IK: variants seen among roughly 807,000 people sequenced by gnomAD.
The protein encoded by IK is IK cytokine, also known as protein Red.
Under a neutral mutation model 90.9 loss-of-function variants are expected in IK, and 47 were observed. The ratio of observed to expected loss-of-function variants is 0.52; its 90% CI spans 0.41 to 0.66. The LOEUF (loss-of-function observed/expected upper bound fraction) is 0.66. IK is among the 30% of genes least tolerant of loss of function. IK has a pLI of 0.00. For missense variants in IK, 385 were observed against 709.3 expected, an observed-to-expected ratio of 0.54 and a Z score of 5.19; for synonymous variants, 201 against 227.5, an observed-to-expected ratio of 0.88 and a Z score of 1.05.
At chr5:140,656,339 T>C (rs1202199918) in intron 9 of IK, among the ~76,000 whole-genome samples, 2 of 152,146 alleles carry the variant, frequency 1.3e-5, no homozygotes, top group Non-Finnish European at 2.9e-5. Context: ...ACTACAGGCA[T>C]TCATCACCAC....
intron 5 of IK, 61 bp from the exon 6 acceptor site, chr5:140,653,877 A>T (rs1757660318): frequency 4.0e-6 from 4 of 998,246 alleles, no homozygotes; most frequent in Non-Finnish European, 6.2e-6. Context: ...TACTGGGATT[A>T]CAGGCGTGAT....
At chr5:140,655,708 C>G (rs1029517942) in intron 8 of IK, 121 bp from the exon 9 acceptor site, 10 of 929,556 alleles carry the variant, frequency 1.1e-5, no homozygotes, top group Non-Finnish European at 9.8e-6. Flanking sequence ...AGGGCTGTTG[C>G]AAAGATTAAA....
At chr5:140,659,934 C>G in intron 14 of IK, 100 bp downstream of exon 14, 3 of 974,212 alleles carry the variant, frequency 3.1e-6, no homozygotes, top group Non-Finnish European at 4.8e-6. Context: ...CCCTCTCCTT[C>G]CCTTTTACGC....
chr5:140,654,163 G>T, intron 6 of IK, 111 bp downstream of exon 6: 2 of 670,870 alleles, frequency 3.0e-6, no homozygotes, highest in Non-Finnish European at 5.3e-6. Flanking sequence ...GTAGAAGAAG[G>T]GCTAAAGATG....
rs1245465472 is a variant in IK, at chr5:140,661,311, T to G, written c.1414-309T>G. The G allele has an allele frequency of 4.6e-5, 16 of 349,206 alleles. No individual in the cohort carries two copies. Among genetic ancestry groups the G allele is most frequent in the Non-Finnish European group, 4.2e-5 (8 of 190,538 alleles). The allele number at this position is 349,206 out of a possible 1,614,324, so 21.6% of individuals were successfully genotyped here. On this transcript the variant is annotated intron_variant, in intron 16 of 19. Coordinates refer to ENST00000417647, the MANE Select transcript of IK (RefSeq NM_006083.4). The surrounding 1 kb of genome is among the most constrained non-coding windows in gnomAD (Gnocchi z 4.2). ...CCTTGTTTAATCCTGCCTCTACTGT[T>G]TATTAGTTTTGTGAACTTGCCAAGT...
chr5:140,659,414 G>A lies in IK; in HGVS notation c.1195+81G>A, dbSNP rs1031525898. On this transcript the variant is annotated intron_variant, in intron 13 of 19. Coordinates refer to ENST00000417647, the MANE Select transcript of IK (RefSeq NM_006083.4). ...TAGGGCTCAGAGCTGGCAACGGTGGGATTGGGGGACCTCCTGGTTCTGGGT... is the reference window on the plus strand; with the variant it reads ...TAGGGCTCAGAGCTGGCAACGGTGGAATTGGGGGACCTCCTGGTTCTGGGT... 1.3e-5 allele frequency: 19 copies of A among 1,476,986 alleles called. No homozygotes were observed. In the African/African-American group the frequency reaches 2.4e-4, roughly 18 times the overall value. The allele number at this position is 1,476,986 out of a possible 1,614,324, so 91.5% of individuals were successfully genotyped here.
Position 140,661,895 on chromosome 5 carries a change from T to G in IK, c.1503-4T>G, listed in dbSNP as rs1192426204. 76 of 1,603,812 alleles carry G rather than the reference T, an allele frequency of 4.7e-5. No individual in the cohort carries two copies. Among genetic ancestry groups the G allele is most frequent in the Non-Finnish European group, 6.2e-5 (73 of 1,174,880 alleles). ...ATGCATTCTTTCCCAACTGCTTTTT[T>G]CAGGGCTGCATTCCAGTATGGTATC... On this transcript the variant is annotated splice_region_variant and splice_polypyrimidine_tract_variant and intron_variant, in intron 17 of 19. Transcript: ENST00000417647. The surrounding 1 kb of genome is among the most constrained non-coding windows in gnomAD (Gnocchi z 4.2).
In IK at chr5:140,662,212, G is replaced by A; in HGVS notation, c.1645G>A (p.Gly549Arg). The A allele has an allele frequency of 6.2e-7, 1 of 1,613,974 alleles. No homozygotes were observed. The highest frequency in any genetic ancestry group is 8.5e-7 in the Non-Finnish European group (1 of 1,179,892). The change falls in exon 19 of 20, where the codon GGG becomes AGG. Residue 549 changes from glycine to arginine, a missense_variant and splice_region_variant. Physicochemically the swap from Gly to Arg is moderately radical, Grantham distance 125. Transcript: ENST00000417647. ...IEKRKKMEAD[G>R]VEVKRPKY ...GAAGAGGAAGAAGATGGAAGCTGAT[G>A]GGTGAGCGGCATTATTCTTCCTCTG...
At chr5:140,658,852 G>A in intron 11 of IK, 76 bp downstream of exon 11, 1 of 1,596,374 alleles carries the variant, frequency 6.3e-7, no homozygotes, top group Admixed American at 1.7e-5. Flanking sequence ...TTTTGGGGAG[G>A]TGCTGACATG....
At chr5:140,652,271 CAG>C (rs1476250700) in intron 4 of IK, 124 bp downstream of exon 4, 1 of 721,432 alleles carries the variant, frequency 1.4e-6, no homozygotes, top group African/African-American at 1.8e-5. Context: ...CTTAATGAAA[CAG>C]AGTGATACTT....
In IK at chr5:140,662,164, C is replaced by G; in HGVS notation, c.1612-15C>G. 6.2e-7 allele frequency: 1 copy of G among 1,613,860 alleles called. No individual in the cohort carries two copies. Among genetic ancestry groups the G allele is most frequent in the Non-Finnish European group, 8.5e-7 (1 of 1,179,816 alleles). On this transcript the variant is annotated splice_polypyrimidine_tract_variant and intron_variant, in intron 18 of 19. Transcript: ENST00000417647. ...ATGGGCAGCTTGGTGATAGACTATC[C>G]TGTTGTTTTTGCAGATCATTGAGAA...
At chr5:140,649,184 TTTTTTTTTTCTTTTC>T (rs1352449414) in intron 2 of IK, among the ~76,000 whole-genome samples, 8 of 148,276 alleles carry the variant, frequency 5.4e-5, no homozygotes, top group Non-Finnish European at 1.0e-4. Flanking sequence ...GTCCATTTCT[TTTTTTTTTTCTTTTC>T]TTTTCTTTTC....
chr5:140,649,184 T>TCTTTC (rs1490473722), intron 2 of IK, among the ~76,000 whole-genome samples: 1 of 148,276 alleles, frequency 6.7e-6, no homozygotes, highest in Non-Finnish European at 1.5e-5. Flanking sequence ...GTCCATTTCT[T>TCTTTC]TTTTTTTTTC....
rs1184929814 is a variant in IK at position 140,661,437 on chromosome 5, G to A, written c.1414-183G>A. ...GAGAATTAAGTGAGATATGCATTTAGTGTACAGAATAATGCCTGTCACATA... is the reference window on the plus strand; with the variant it reads ...GAGAATTAAGTGAGATATGCATTTAATGTACAGAATAATGCCTGTCACATA... On this transcript the variant is annotated intron_variant, in intron 16 of 19. Coordinates refer to ENST00000417647, the MANE Select transcript of IK (RefSeq NM_006083.4). The surrounding 1 kb of genome is among the most constrained non-coding windows in gnomAD (Gnocchi z 4.2). The A allele has an allele frequency of 6.9e-6, 4 of 580,130 alleles. No individual in the cohort carries two copies. The highest frequency in any genetic ancestry group is 5.9e-5 in the East Asian group (2 of 33,838). The allele number at this position is 580,130 out of a possible 1,614,324, so 35.9% of individuals were successfully genotyped here.
intron 3 of IK, 89 bp from the exon 4 acceptor site, chr5:140,651,999 G>T: frequency 2.0e-6 from 2 of 1,023,812 alleles, no homozygotes; most frequent in South Asian, 2.6e-5. Context: ...CAGTATTCTA[G>T]GTCTTTCTAA....
intron 3 of IK, 71 bp from the exon 4 acceptor site, chr5:140,652,017 C>A (rs1278864146): frequency 8.1e-7 from 1 of 1,237,028 alleles, no homozygotes; most frequent in South Asian, 1.2e-5. Flanking sequence ...TAAAAATCCT[C>A]AAGGAGACTT....
At chr5:140,649,780 G>A (rs1053832939) in intron 2 of IK, among the ~76,000 whole-genome samples, 4 of 152,046 alleles carry the variant, frequency 2.6e-5, no homozygotes, top group South Asian at 2.1e-4. Flanking sequence ...TGATCTGCCC[G>A]TCTCGGCGGC....
At chr5:140,653,811 ACCAGG>A (rs1166078883) in intron 5 of IK, 122 bp from the exon 6 acceptor site, 1 of 596,452 alleles carries the variant, frequency 1.7e-6, no homozygotes, top group Non-Finnish European at 3.0e-6. Flanking sequence ...CACCATATCC[ACCAGG>A]CTGGTCTCAA....
At chr5:140,651,134 A>G (rs1295703591) in intron 2 of IK, among the ~76,000 whole-genome samples, 1 of 152,156 alleles carries the variant, frequency 6.6e-6, no homozygotes, top group African/African-American at 2.4e-5. Flanking sequence ...TCTGGTAGTT[A>G]ACACTCTGAT....
Sources: allele counts gnomAD v4.1 joint callset (sites outside exome capture counted in the v4.1 genomes callset), GRCh38; gene constraint gnomAD v4.1.1; non-coding constraint Gnocchi (gnomAD v3.1); transcripts MANE v1.5; gene names NCBI Gene and HGNC (gene_info 2026-07-23, HGNC 2026-07-21).